The following WDR72 variants were observed in gnomAD, a reference collection of about 807,000 sequenced individuals.
WDR72 encodes the protein WD repeat domain 72.
A neutral mutation model predicts 124.2 loss-of-function variants in WDR72; 120 were observed. The ratio of observed to expected loss-of-function variants is 0.97; its 90% CI spans 0.83 to 1.12. WDR72 has a LOEUF of 1.12. Among genes scored for constraint, WDR72 ranks in the 50% most tolerant of loss-of-function variants. The pLI, the probability that WDR72 is intolerant of heterozygous loss-of-function variation, is 0.00. For synonymous variants in WDR72, 452 were observed against 441.7 expected, an observed-to-expected ratio of 1.02 and a Z score of -0.29; for missense variants, 1,387 against 1,278.8, an observed-to-expected ratio of 1.08 and a Z score of -1.29.
intron 18 of WDR72, among the ~76,000 whole-genome samples, chr15:53,541,586 C>G (rs983371368): frequency 1.1e-3 from 162 of 152,022 alleles, no homozygotes; most frequent in African/African-American, 3.9e-3. Context: ...CGCAGAGCGC[C>G]TCTCCTCCTC....
chr15:53,716,778 A>C (rs1467936546), intron 3 of WDR72, 93 bp from the exon 4 acceptor site: 4 of 424,960 alleles, frequency 9.4e-6, no homozygotes, highest in Non-Finnish European at 1.3e-5. Flanking sequence ...TAGCAGCCTG[A>C]TCATTTATGT....
chr15:53,552,741 C>T (rs1217453950), intron 18 of WDR72, among the ~76,000 whole-genome samples: 1 of 152,140 alleles, frequency 6.6e-6, no homozygotes, highest in African/African-American at 2.4e-5. Context: ...TCCAAACATC[C>T]TCTGACTTGG....
At chr15:53,727,649 G>A (rs1279671358) in intron 2 of WDR72, among the ~76,000 whole-genome samples, 1 of 152,214 alleles carries the variant, frequency 6.6e-6, no homozygotes, top group Admixed American at 6.5e-5. Context: ...TCCCTTTCCA[G>A]TCTATTAGAA....
chr15:53,534,296 T>C (rs1300003778), intron 18 of WDR72, among the ~76,000 whole-genome samples: 2 of 152,102 alleles, frequency 1.3e-5, no homozygotes, highest in African/African-American at 4.8e-5. Flanking sequence ...GGGTGGATCA[T>C]ATTATGCAAT....
Position 53,711,416 on chromosome 15 carries a change from A to G in WDR72, c.777T>C (p.Ala259=), listed in dbSNP as rs1265899092. The change falls in exon 8 of 20, where the codon GCT becomes GCC. Residue 259 remains alanine, a synonymous_variant. Transcript: ENST00000360509. ...TGTGAGCAGCAATCACTTCTCCACC[A>G]GCAAAGAACTGCCCATTTCTACTAA... ...TEVSRNGQFF[A]GGEVIAAHRI... 1 of 1,614,192 alleles carries G rather than the reference A, an allele frequency of 6.2e-7. No homozygotes were observed. The highest frequency in any genetic ancestry group is 8.5e-7 in the Non-Finnish European group (1 of 1,180,042).
chr15:53,760,429 G>A (rs989452917), upstream of WDR72, among the ~76,000 whole-genome samples: 1 of 151,464 alleles, frequency 6.6e-6, no homozygotes. Flanking sequence ...GGGAACATGT[G>A]AAGTTTGTCT....
chr15:53,710,939 C>A lies in WDR72; in HGVS notation c.872G>T (p.Ser291Ile). The change falls in exon 9 of 20, where the codon AGC becomes ATC. Residue 291 changes from serine to isoleucine, a missense_variant. Transcript: ENST00000360509. ...CACTCTTCCATCAGCAGGGTATATG[C>A]TTTTTGAAAGCCCACTGCGTGGCAA... The part of the protein sequence containing the change: ...YQLLNSGLSK[S>I]IYPADGRVLK... 1 of 1,613,650 alleles carries A rather than the reference C, an allele frequency of 6.2e-7. No homozygotes were observed. The highest frequency in any genetic ancestry group is 8.5e-7 in the Non-Finnish European group (1 of 1,179,886).
At chr15:53,552,264 T>TTTAGTGTATTAATGCC (rs1893761852) in intron 18 of WDR72, among the ~76,000 whole-genome samples, 1 of 152,100 alleles carries the variant, frequency 6.6e-6, no homozygotes, top group South Asian at 2.1e-4. Flanking sequence ...ACTTTAACTG[T>TTTAGTGTATTAATGCC]TTAGTGTATT....
intron 1 of WDR72, among the ~76,000 whole-genome samples, chr15:53,750,811 A>C (rs1177510245): frequency 6.6e-6 from 1 of 152,168 alleles, no homozygotes; most frequent in Non-Finnish European, 1.5e-5. Context: ...CGTGGTGGAA[A>C]TAGCAAGAGA....
At chr15:53,639,545 T>TTTATTTATTTATAAAATTATATATAATG (rs2014765223) in intron 14 of WDR72, among the ~76,000 whole-genome samples, 1 of 131,012 alleles carries the variant, frequency 7.6e-6, no homozygotes, top group African/African-American at 2.6e-5. Flanking sequence ...TATATATAAT[T>TTTATTTATTTATAAAATTATATATAATG]TTATTTATTT....
At chr15:53,527,430 A>C (rs1892186293) in intron 18 of WDR72, among the ~76,000 whole-genome samples, 2 of 152,028 alleles carry the variant, frequency 1.3e-5, no homozygotes, top group South Asian at 4.1e-4. Context: ...CCACTGGAAA[A>C]AAGTCTCCAT....
At chr15:53,717,808 T>G (rs1368288639) in intron 3 of WDR72, among the ~76,000 whole-genome samples, 2 of 152,102 alleles carry the variant, frequency 1.3e-5, no homozygotes, top group African/African-American at 2.4e-5. Flanking sequence ...CACAAAATAT[T>G]CATAGCATTT....
chr15:53,742,026 C>T (rs567936937), intron 1 of WDR72, among the ~76,000 whole-genome samples: 114 of 152,300 alleles, frequency 7.5e-4, no homozygotes, highest in African/African-American at 2.7e-3. Context: ...CTGCATCTGG[C>T]TTGATCTAGA....
intron 7 of WDR72, 85 bp from the exon 8 acceptor site, chr15:53,711,566 T>A: frequency 2.1e-6 from 3 of 1,401,622 alleles, no homozygotes; most frequent in Non-Finnish European, 3.0e-6. Context: ...AGTAATAATA[T>A]AACAACATAG....
intron 14 of WDR72, among the ~76,000 whole-genome samples, chr15:53,660,503 A>G (rs2015573061): frequency 6.6e-6 from 1 of 152,150 alleles, no homozygotes; most frequent in Admixed American, 6.6e-5. Context: ...GTTTTTTACA[A>G]GAGGTATGAG....
chr15:53,603,079 A>G (rs1382693077), intron 17 of WDR72, among the ~76,000 whole-genome samples: 1 of 152,160 alleles, frequency 6.6e-6, no homozygotes, highest in African/African-American at 2.4e-5. Context: ...ATCAATGAAA[A>G]TATCCTCAAC....
chr15:53,722,654 T>C (rs997279904), intron 3 of WDR72, 148 bp downstream of exon 3: 2 of 711,176 alleles, frequency 2.8e-6, no homozygotes, highest in Non-Finnish European at 5.0e-6. Context: ...ACACAAGTTA[T>C]TCAAACTTTC....
At chr15:53,643,708 A>G (rs1479421598) in intron 14 of WDR72, among the ~76,000 whole-genome samples, 1 of 152,050 alleles carries the variant, frequency 6.6e-6, no homozygotes, top group African/African-American at 2.4e-5. Flanking sequence ...TGCTTAAGTT[A>G]AAAACTGAAA....
rs1288597986 is a variant in WDR72, at chr15:53,514,668, CA to C, written c.*3030del. The C allele has an allele frequency of 6.6e-6, 1 of 152,028 alleles. No homozygotes were observed. Among genetic ancestry groups the C allele is most frequent in the East Asian group, 1.9e-4 (1 of 5,176 alleles). The allele number at this position is 152,028 out of a possible 1,614,324, so 9.4% of individuals were successfully genotyped here. A position where few individuals can be genotyped will look rare whatever the true frequency, so the allele number is the denominator to read the frequency against. On this transcript the variant is annotated 3_prime_UTR_variant, in exon 20 of 20. Coordinates refer to ENST00000360509, the MANE Select transcript of WDR72 (RefSeq NM_182758.4). Reference sequence around the variant, plus strand: ...CTTAATTTAGTTTCTAAAATAGTAACAGAATGTTTGATACCTGGGGCTACTT... The same window carrying C: ...CTTAATTTAGTTTCTAAAATAGTAACGAATGTTTGATACCTGGGGCTACTT...
Sources: gnomAD v4.1 joint callset for allele counts (sites outside exome capture counted in the v4.1 genomes callset) on GRCh38, gnomAD v4.1.1 for gene constraint, MANE v1.5 for transcripts, NCBI Gene and HGNC (gene_info 2026-07-23, HGNC 2026-07-21) for gene names.